HGD: variants seen among roughly 807,000 people sequenced by gnomAD.
The protein encoded by HGD is homogentisate 1,2-dioxygenase, also known as homogentisate oxidase.
In HGD, 61 loss-of-function variants were observed where a neutral mutation model predicts 60.8. The observed-to-expected ratio is 1.00, with a 90% CI of 0.82 to 1.24. HGD has a LOEUF of 1.24. HGD is among the 50% of genes most tolerant of loss of function. HGD has a pLI of 0.00. For synonymous variants in HGD, 212 were observed against 187.7 expected (o/e 1.13, Z -1.06); for missense variants, 542 against 547.1 (o/e 0.99, Z 0.09).
chr3:120,633,616 GATA>G (rs1193336558), intron 12 of HGD: 1 of 1,360,546 alleles, frequency 7.3e-7, no homozygotes, highest in South Asian at 1.2e-5. Flanking sequence ...GCCCAGAGAA[GATA>G]ATAATAATTA....
chr3:120,638,393 A>C, intron 12 of HGD, 62 bp downstream of exon 12: 1 of 1,599,496 alleles, frequency 6.3e-7, no homozygotes, highest in South Asian at 1.1e-5. Flanking sequence ...CCCAATGTGT[A>C]GCGCTCACTG....
intron 12 of HGD, among the ~76,000 whole-genome samples, chr3:120,637,771 T>A (rs1940830225): frequency 6.6e-6 from 1 of 152,208 alleles, no homozygotes; most frequent in South Asian, 2.1e-4. Flanking sequence ...TAGAAGCCTT[T>A]CTAACAAGGC....
intron 4 of HGD, among the ~76,000 whole-genome samples, chr3:120,654,866 T>C (rs1941447447): frequency 2.6e-5 from 4 of 151,634 alleles, no homozygotes; most frequent in Admixed American, 2.6e-4. Flanking sequence ...AGGTCAGGAG[T>C]TCGAGACAAG....
Position 120,647,174 on chromosome 3 carries a change from C to T in HGD, c.470-122G>A, listed in dbSNP as rs1215394340. ...CCAAATGCAAAGAGCTTTATTGAGT[C>T]TCTTGGGGAAAAAGATAAATTCTGA... On this transcript the variant is annotated intron_variant, in intron 7 of 13. Transcript: ENST00000283871. The T allele has an allele frequency of 7.9e-6, 6 of 759,876 alleles. No individual in the cohort carries two copies. The African/African-American group carries it at 1.0e-4, about 13-fold the overall frequency. The allele number at this position is 759,876 out of a possible 1,614,324, so 47.1% of individuals were successfully genotyped here.
intron 13 of HGD, among the ~76,000 whole-genome samples, chr3:120,632,492 T>C (rs1482562558): frequency 1.3e-5 from 2 of 152,176 alleles, no homozygotes; most frequent in Non-Finnish European, 2.9e-5. Flanking sequence ...AGGTTTTAAA[T>C]CCCATCAGTT....
At chr3:120,680,960 A>T (rs1412495769) in intron 1 of HGD, among the ~76,000 whole-genome samples, 1 of 152,252 alleles carries the variant, frequency 6.6e-6, no homozygotes, top group Non-Finnish European at 1.5e-5. Context: ...TACGATATTA[A>T]TCTGCAGTGT....
rs764226435 is a variant in HGD at position 120,641,643 on chromosome 3, G to A, written c.825C>T (p.Tyr275=). 3 of 1,614,050 alleles carry A rather than the reference G, an allele frequency of 1.9e-6. No homozygotes were observed. The highest frequency in any genetic ancestry group is 1.3e-5 in the African/African-American group (1 of 75,056). ...CCATGAAATTCTTCAGGTTGTACTT[G>A]TAGGGTGTATAATTCCCGTGCCAGG... The part of the protein sequence containing the change: ...VVAWHGNYTP[Y]KYNLKNFMVI... Residue 275 remains tyrosine (Y), a synonymous_variant, in exon 11 of 14, where the codon TAC becomes TAT. Coordinates refer to ENST00000283871, the MANE Select transcript of HGD (RefSeq NM_000187.4).
chr3:120,652,269 A>G lies in HGD; in HGVS notation c.342+323T>C, dbSNP rs554576622. Among the ~76,000 whole-genome samples the G allele has an allele frequency of 2.2e-3, 336 of 152,302 alleles. 2 individuals are homozygous for G. The highest frequency in any genetic ancestry group is 3.1e-3 in the Non-Finnish European group (212 of 68,026). On this transcript the variant is annotated intron_variant, in intron 5 of 13. Transcript: ENST00000283871. ...TTATATATTTATAAACAAAGACATC[A>G]TCAGACATCAGACATCAAAGTGAGA...
intron 12 of HGD, among the ~76,000 whole-genome samples, chr3:120,635,401 C>T (rs780596813): frequency 4.7e-5 from 7 of 147,878 alleles, no homozygotes; most frequent in Non-Finnish European, 8.9e-5. Flanking sequence ...AGCATGAACC[C>T]GGGAGGCAGA....
intron 3 of HGD, among the ~76,000 whole-genome samples, chr3:120,673,070 T>C (rs138197680): frequency 1.3e-5 from 2 of 152,268 alleles, no homozygotes; most frequent in African/African-American, 2.4e-5. Context: ...GGCCTACTTA[T>C]GGATAAGACT....
At chr3:120,654,107 C>T (rs1367887490) in intron 4 of HGD, among the ~76,000 whole-genome samples, 1 of 152,178 alleles carries the variant, frequency 6.6e-6, no homozygotes, top group Non-Finnish European at 1.5e-5. Context: ...ACATTACCTG[C>T]TGCTTCCTTC....
At chr3:120,632,273 T>G (rs926005182) in intron 13 of HGD, among the ~76,000 whole-genome samples, 1 of 152,228 alleles carries the variant, frequency 6.6e-6, no homozygotes, top group African/African-American at 2.4e-5. Flanking sequence ...CAGGCAGGTC[T>G]CTGCTATAGA....
At chr3:120,672,373 A>G (rs571646669) in intron 3 of HGD, among the ~76,000 whole-genome samples, 2 of 152,272 alleles carry the variant, frequency 1.3e-5, no homozygotes, top group South Asian at 4.1e-4. Context: ...AGGGACATTG[A>G]AGCTCACTAA....
rs186295628 is a variant in HGD, at chr3:120,633,937, A to G, written c.1007-609T>C. Among the ~76,000 whole-genome samples the G allele has an allele frequency of 3.2e-3, 491 of 152,298 alleles. 4 individuals are homozygous for G. The highest frequency in any genetic ancestry group is 3.9e-3 in the Non-Finnish European group (268 of 68,020). Reference sequence around the variant, plus strand: ...ATAAATGCTATTTATTATAACAAATATTATCTTCTATAGATGAATCTGTTA... The same window carrying G: ...ATAAATGCTATTTATTATAACAAATGTTATCTTCTATAGATGAATCTGTTA... On this transcript the variant is annotated intron_variant, in intron 12 of 13. Coordinates refer to ENST00000283871, the MANE Select transcript of HGD (RefSeq NM_000187.4).
At chr3:120,636,639 C>T (rs949406558) in intron 12 of HGD, among the ~76,000 whole-genome samples, 18 of 152,162 alleles carry the variant, frequency 1.2e-4, no homozygotes, top group Non-Finnish European at 1.3e-4. Context: ...TTTTTAGAAA[C>T]GACTTATGAT....
At chr3:120,667,007 A>G (rs1328211412) in intron 4 of HGD, among the ~76,000 whole-genome samples, 1 of 152,112 alleles carries the variant, frequency 6.6e-6, no homozygotes, top group African/African-American at 2.4e-5. Context: ...TTGGGTTTTT[A>G]TAAGTATATT....
chr3:120,633,204 G>C lies in HGD; in HGVS notation c.1131C>G (p.Cys377Trp). ...GCTTGACCTTGCTGGCCTTCTCAAA[G>C]CAGTCAGCATCAGGTCCATGGGGGG... is the stretch of plus-strand genomic sequence containing the variant. ...TMTPHGPDAD[C>W]FEKASKVKLA... The change falls in exon 13 of 14, where the codon TGC (cysteine) becomes TGG (tryptophan). Residue 377 changes from cysteine (C) to tryptophan (W), a missense_variant. Cys to Trp is a radical substitution (Grantham distance 215, BLOSUM62 -2). Around this residue, in one of 2 missense-constraint regions of HGD, gnomAD observed 537 missense variants for 529.1 expected, o/e 1.01. Coordinates refer to ENST00000283871, the MANE Select transcript of HGD (RefSeq NM_000187.4). 6.2e-7 allele frequency: 1 copy of C among 1,614,114 alleles called. No homozygotes were observed. Among genetic ancestry groups the C allele is most frequent in the Non-Finnish European group, 8.5e-7 (1 of 1,180,014 alleles).
rs367934358 is a variant in HGD at position 120,670,568 on chromosome 3, G to C, written c.177-36C>G. 2.1e-4 allele frequency: 253 copies of C among 1,197,308 alleles called. 1 individual carries two copies. The African/African-American group carries it at 3.5e-3, about 17-fold the overall frequency. 74.2% of individuals were successfully genotyped at this position (1,197,308 alleles called of 1,614,324 possible). A position where few individuals can be genotyped will look rare whatever the true frequency, so the allele number is the denominator to read the frequency against. On this transcript the variant is annotated intron_variant, in intron 3 of 13. Transcript: ENST00000283871. ...AAACATACAAGATATACAAGCCTTA[G>C]AGTAATGTTCTGAGTGATACACAGA... is the stretch of plus-strand genomic sequence containing the variant.
rs1430791780 is a variant in HGD at position 120,628,243 on chromosome 3, A to G, written c.*137T>C. ...TAGAACTTTGCAAATGCGTTTCCAT[A>G]AAAGTTCTGAGTTACTTGACTATGA... On this transcript the variant is annotated 3_prime_UTR_variant, in exon 14 of 14. Coordinates refer to ENST00000283871, the MANE Select transcript of HGD (RefSeq NM_000187.4). The G allele has an allele frequency of 2.1e-6, 2 of 972,782 alleles. No homozygotes were observed. Among genetic ancestry groups the G allele is most frequent in the Non-Finnish European group, 3.2e-6 (2 of 616,786 alleles). The allele number at this position is 972,782 out of a possible 1,614,324, so 60.3% of individuals were successfully genotyped here.
Sources: gnomAD v4.1 joint callset for allele counts (sites outside exome capture counted in the v4.1 genomes callset) on GRCh38, gnomAD v4.1.1 for gene constraint, gnomAD v4.1.1 regional missense constraint, MANE v1.5 for transcripts, NCBI Gene and HGNC (gene_info 2026-07-23, HGNC 2026-07-21) for gene names.